CLPB: variants seen among roughly 807,000 people sequenced by gnomAD.
The protein encoded by CLPB is ClpB family mitochondrial disaggregase.
A neutral mutation model predicts 78.4 loss-of-function variants in CLPB; 40 were observed. The observed-to-expected ratio is 0.51, with a 90% CI of 0.40 to 0.66. The LOEUF is 0.66. Ranked by LOEUF, CLPB falls within the 30% of genes least tolerant of loss-of-function variation. The probability of loss-of-function intolerance (pLI) is 0.00; values close to 1 mark genes in which losing one functional copy is unlikely to be tolerated. For synonymous variants in CLPB, 333 were observed against 348.0 expected, an observed-to-expected ratio of 0.96 and a Z score of 0.48; for missense variants, 780 against 886.9, an observed-to-expected ratio of 0.88 and a Z score of 1.53.
At chr11:72,294,923 G>C (rs1949523488) in intron 12 of CLPB, among the ~76,000 whole-genome samples, 1 of 149,850 alleles carries the variant, frequency 6.7e-6, no homozygotes, top group Admixed American at 6.6e-5. Flanking sequence ...CAGGGTGGGA[G>C]TTGTGTGAGG....
At chr11:72,434,012 A>C in intron 1 of CLPB, 60 bp downstream of exon 1, 1 of 1,564,674 alleles carries the variant, frequency 6.4e-7, no homozygotes. Flanking sequence ...CCCTCCTAAG[A>C]TACGAAGTTA....
At chr11:72,364,234 C>T (rs757515011) in intron 4 of CLPB, among the ~76,000 whole-genome samples, 6 of 152,154 alleles carry the variant, frequency 3.9e-5, no homozygotes, top group Non-Finnish European at 5.9e-5. Flanking sequence ...ACTCTTGATG[C>T]CCAGGCTAGA....
At chr11:72,354,626 ATTCAAGTGCTGAAGCAGAGCC>A in intron 5 of CLPB, 1 of 331,702 alleles carries the variant, frequency 3.0e-6, no homozygotes, top group Non-Finnish European at 5.4e-6. Flanking sequence ...CCACACCTGC[ATTCAAGTGCTGAAGCAGAGCC>A]TTCCTGCTGA....
intron 7 of CLPB, among the ~76,000 whole-genome samples, chr11:72,313,650 G>C (rs1329818667): frequency 1.3e-5 from 2 of 152,218 alleles, no homozygotes; most frequent in African/African-American, 4.8e-5. Flanking sequence ...GGACTGAGGA[G>C]GGCAACCTGC....
intron 10 of CLPB, 65 bp downstream of exon 10, chr11:72,302,239 G>T: frequency 6.6e-7 from 1 of 1,519,404 alleles, no homozygotes; most frequent in South Asian, 1.1e-5. Flanking sequence ...CAAATGACAA[G>T]ACCCCGGCAG....
intron 2 of CLPB, among the ~76,000 whole-genome samples, chr11:72,411,561 A>G (rs1196992164): frequency 1.3e-5 from 2 of 152,220 alleles, no homozygotes; most frequent in East Asian, 1.9e-4. Context: ...AAAATTGAGT[A>G]GATTCCTAGC....
intron 3 of CLPB, among the ~76,000 whole-genome samples, chr11:72,390,199 A>G (rs968140842): frequency 6.6e-6 from 1 of 152,124 alleles, no homozygotes; most frequent in Non-Finnish European, 1.5e-5. Context: ...GCACTCCGGG[A>G]GGCTGAGGCG....
chr11:72,430,424 G>T, intron 1 of CLPB, 61 bp from the exon 2 acceptor site: 1 of 1,492,952 alleles, frequency 6.7e-7, no homozygotes. Context: ...TCAGGACTGC[G>T]TGGAGGGCCC....
chr11:72,422,111 C>G (rs1031914962), intron 2 of CLPB, among the ~76,000 whole-genome samples: 1 of 150,294 alleles, frequency 6.7e-6, no homozygotes, highest in East Asian at 2.0e-4. Context: ...ACTAAAAATA[C>G]AAAAAATTGG....
At chr11:72,296,596 G>A (rs139802352) in intron 11 of CLPB, among the ~76,000 whole-genome samples, 15 of 152,288 alleles carry the variant, frequency 9.8e-5, no homozygotes, top group African/African-American at 3.6e-4. Flanking sequence ...CAATGATCAG[G>A]GACTCCTTGA....
chr11:72,309,944 T>C (rs1273420975), intron 7 of CLPB, among the ~76,000 whole-genome samples: 3 of 152,140 alleles, frequency 2.0e-5, no homozygotes, highest in Admixed American at 2.0e-4. Context: ...CTAACTACTA[T>C]ACTGTGTGGT....
rs570114972 is a variant in CLPB, at chr11:72,353,896, C to T, written c.775+4984G>A. On this transcript the variant is annotated intron_variant, in intron 5 of 15. Coordinates refer to ENST00000538039, the MANE Select transcript of CLPB (RefSeq NM_001258392.3). ...GTAGGTGAGGGTCAGACTAGAACAACTCTAAAACCAGTTAAAAGCATTAGT... is the reference window on the plus strand; with the variant it reads ...GTAGGTGAGGGTCAGACTAGAACAATTCTAAAACCAGTTAAAAGCATTAGT... 5.9e-4 allele frequency among the ~76,000 whole-genome samples: 90 copies of T among 152,210 alleles called. 1 individual carries two copies. In the South Asian group the frequency reaches 0.018, roughly 30 times the overall value.
chr11:72,295,390 C>A (rs1164793903), intron 12 of CLPB, 102 bp downstream of exon 12: 11 of 1,309,818 alleles, frequency 8.4e-6, no homozygotes, highest in Non-Finnish European at 1.2e-5. Context: ...GAGCTGCCCA[C>A]TAGAACCTTC....
At chr11:72,300,461 C>A (rs1297327592) in intron 11 of CLPB, among the ~76,000 whole-genome samples, 2 of 152,150 alleles carry the variant, frequency 1.3e-5, no homozygotes, top group Non-Finnish European at 2.9e-5. Flanking sequence ...TCAGTGTACA[C>A]GTGAGTAACT....
At chr11:72,332,352 G>T (rs1352103768) in intron 5 of CLPB, among the ~76,000 whole-genome samples, 3 of 151,736 alleles carry the variant, frequency 2.0e-5, no homozygotes, top group Non-Finnish European at 4.4e-5. Context: ...AGCCAGGCAT[G>T]GGGGCACATG....
At chr11:72,319,421 T>G (rs1004811972) in intron 6 of CLPB, among the ~76,000 whole-genome samples, 1 of 152,274 alleles carries the variant, frequency 6.6e-6, no homozygotes, top group African/African-American at 2.4e-5. Context: ...TGCCAGGCAC[T>G]GTACTCAGCA....
intron 3 of CLPB, among the ~76,000 whole-genome samples, chr11:72,399,689 T>C (rs1855507143): frequency 6.6e-6 from 1 of 152,190 alleles, no homozygotes; most frequent in South Asian, 2.1e-4. Flanking sequence ...ATCTCTCTCT[T>C]GAGCTTGTGG....
intron 4 of CLPB, among the ~76,000 whole-genome samples, chr11:72,373,195 A>G (rs1951076322): frequency 6.6e-6 from 1 of 152,206 alleles, no homozygotes; most frequent in Non-Finnish European, 1.5e-5. Context: ...GGAGCTGAGA[A>G]GAGAGGCTGA....
intron 7 of CLPB, among the ~76,000 whole-genome samples, chr11:72,315,142 G>A (rs1248853564): frequency 6.6e-6 from 1 of 152,104 alleles, no homozygotes; most frequent in Non-Finnish European, 1.5e-5. Flanking sequence ...TGTAAGGGGT[G>A]AGGGGGAGGG....
Sources: gnomAD v4.1 joint callset for allele counts (sites outside exome capture counted in the v4.1 genomes callset) on GRCh38, gnomAD v4.1.1 for gene constraint, MANE v1.5 for transcripts, NCBI Gene and HGNC (gene_info 2026-07-23, HGNC 2026-07-21) for gene names.